The following TMEM132C variants were observed in gnomAD, a reference collection of about 807,000 sequenced individuals.
The protein encoded by TMEM132C is protein phosphatase 1, regulatory subunit 152.
In TMEM132C, 29 loss-of-function variants were observed where a neutral mutation model predicts 61.4. That is an observed-to-expected ratio of 0.47 (90% confidence interval 0.35 to 0.64). TMEM132C has a LOEUF of 0.64. Ranked by LOEUF, TMEM132C falls within the 30% of genes least tolerant of loss-of-function variation. The pLI, the probability that TMEM132C is intolerant of heterozygous loss-of-function variation, is 0.00. For synonymous variants in TMEM132C, 656 were observed against 633.1 expected (o/e 1.04, Z -0.54); for missense variants, 1,408 against 1,476.9 (o/e 0.95, Z 0.76).
chr12:128,344,465 T>G (rs1873086475), intron 1 of TMEM132C, among the ~76,000 whole-genome samples: 1 of 152,138 alleles, frequency 6.6e-6, no homozygotes, highest in Admixed American at 6.5e-5. Context: ...CAGTATATGT[T>G]TTTATGTCTT....
intron 1 of TMEM132C, among the ~76,000 whole-genome samples, chr12:128,411,375 T>C (rs1368719225): frequency 6.6e-6 from 1 of 152,238 alleles, no homozygotes; most frequent in African/African-American, 2.4e-5. Flanking sequence ...TTGGATCATA[T>C]CATAAGGAAA....
intron 4 of TMEM132C, among the ~76,000 whole-genome samples, chr12:128,663,320 G>A (rs778440990): frequency 1.4e-4 from 21 of 152,152 alleles, no homozygotes; most frequent in Admixed American, 7.9e-4. Flanking sequence ...TGGACATTTC[G>A]TATGAGTAGG....
chr12:128,543,746 A>G (rs1873845585), intron 2 of TMEM132C, among the ~76,000 whole-genome samples: 1 of 152,040 alleles, frequency 6.6e-6, no homozygotes, highest in South Asian at 2.1e-4. Context: ...TCAGAACCGG[A>G]CAGCAAGGTC....
chr12:128,491,563 C>G (rs183187613), intron 2 of TMEM132C, among the ~76,000 whole-genome samples: 6 of 152,260 alleles, frequency 3.9e-5, no homozygotes, highest in African/African-American at 9.6e-5. Flanking sequence ...ACACGAGAAA[C>G]TTTTTAAAAC....
chr12:128,584,380 A>G (rs1875462111), intron 3 of TMEM132C, among the ~76,000 whole-genome samples: 2 of 152,174 alleles, frequency 1.3e-5, no homozygotes, highest in South Asian at 4.1e-4. Flanking sequence ...GTCAGCTGGT[A>G]AAGTTAGTCG....
chr12:128,397,090 A>G, intron 1 of TMEM132C, among the ~76,000 whole-genome samples: 1 of 151,986 alleles, frequency 6.6e-6, no homozygotes, highest in South Asian at 2.1e-4. Flanking sequence ...AGCAGCTGTG[A>G]CCCCTGGCAG....
intron 2 of TMEM132C, among the ~76,000 whole-genome samples, chr12:128,440,420 C>G (rs1413683344): frequency 6.6e-6 from 1 of 152,170 alleles, no homozygotes; most frequent in Non-Finnish European, 1.5e-5. Context: ...TTAGGACCCA[C>G]CATGCCCAGA....
intron 5 of TMEM132C, among the ~76,000 whole-genome samples, chr12:128,673,783 T>TA (rs1954557710): frequency 6.6e-6 from 1 of 152,226 alleles, no homozygotes; most frequent in Non-Finnish European, 1.5e-5. Context: ...AAAGTGAGGA[T>TA]AAGCATAGTT....
chr12:128,637,408 G>A (rs1284182519), intron 4 of TMEM132C, among the ~76,000 whole-genome samples: 1 of 152,200 alleles, frequency 6.6e-6, no homozygotes, highest in East Asian at 1.9e-4. Context: ...AGCTTGTAAG[G>A]AGCTGCCATG....
intron 1 of TMEM132C, among the ~76,000 whole-genome samples, chr12:128,296,941 A>G (rs2135914499): frequency 6.6e-6 from 1 of 152,334 alleles, no homozygotes. Flanking sequence ...TTTAGACTAG[A>G]CTTCCCAAAC....
intron 4 of TMEM132C, among the ~76,000 whole-genome samples, chr12:128,622,909 T>C (rs993050977): frequency 6.6e-6 from 1 of 152,170 alleles, no homozygotes; most frequent in Non-Finnish European, 1.5e-5. Flanking sequence ...TAAGGATGGG[T>C]TGGATGCTCT....
chr12:128,564,138 G>A lies in TMEM132C; in HGVS notation c.1121+20035G>A, dbSNP rs188575015. ...CCTCACATGGCAGAGAGAGCATTCC[G>A]GGCTCTTTATCTCCTCATAAGGACG... On this transcript the variant is annotated intron_variant, in intron 3 of 8. Transcript: ENST00000435159. 1.2e-4 allele frequency among the ~76,000 whole-genome samples: 18 copies of A among 152,292 alleles called. No individual in the cohort carries two copies. The East Asian group carries it at 3.1e-3, about 26-fold the overall frequency.
intron 2 of TMEM132C, among the ~76,000 whole-genome samples, chr12:128,442,806 T>A (rs1209454615): frequency 6.6e-6 from 1 of 152,228 alleles, no homozygotes; most frequent in Non-Finnish European, 1.5e-5. Flanking sequence ...GTGCAACTAC[T>A]ATCTCTACTA....
chr12:128,502,221 G>A lies in TMEM132C; in HGVS notation c.975-41736G>A, dbSNP rs191778860. On this transcript the variant is annotated intron_variant, in intron 2 of 8. Transcript: ENST00000435159. Reference sequence around the variant, plus strand: ...AAGTGACAGAGGCTGCCCTGCTCCCGAGAAACTTGCAGCCCCAAGGGAGAG... The same window carrying A: ...AAGTGACAGAGGCTGCCCTGCTCCCAAGAAACTTGCAGCCCCAAGGGAGAG... 1.2e-3 allele frequency among the ~76,000 whole-genome samples: 190 copies of A among 152,302 alleles called. 2 individuals carry two copies. The highest frequency in any genetic ancestry group is 6.8e-3 in the Middle Eastern group (2 of 294).
At chr12:128,403,885 ACTAC>A (rs1388204102) in intron 1 of TMEM132C, among the ~76,000 whole-genome samples, 1 of 152,150 alleles carries the variant, frequency 6.6e-6, no homozygotes, top group East Asian at 1.9e-4. Context: ...TATCTGACAA[ACTAC>A]CTCAGGCTTT....
intron 2 of TMEM132C, 139 bp from the exon 3 acceptor site, chr12:128,543,818 C>T (rs1873848270): frequency 8.8e-7 from 1 of 1,140,506 alleles, no homozygotes; most frequent in Non-Finnish European, 1.2e-6. Flanking sequence ...CACCACTGGG[C>T]AGCTTTGCCT....
intron 3 of TMEM132C, among the ~76,000 whole-genome samples, chr12:128,579,287 C>T (rs540705638): frequency 2.6e-5 from 4 of 152,342 alleles, no homozygotes; most frequent in Middle Eastern, 3.4e-3. Flanking sequence ...TTTGTTCACA[C>T]GTCCAACATA....
rs1459897865 is a variant in TMEM132C at position 128,342,951 on chromosome 12, A to C, written c.86-71781A>C. On this transcript the variant is annotated intron_variant, in intron 1 of 8. Coordinates refer to ENST00000435159, the MANE Select transcript of TMEM132C (RefSeq NM_001136103.3). ...TGGAGGTCCATTCTTTGCAATCTTC[A>C]GGGGTTCTGAACATCCTTTGATCGT... Among the ~76,000 whole-genome samples the C allele has an allele frequency of 2.6e-5, 4 of 152,356 alleles. No individual in the cohort carries two copies. The East Asian group carries it at 7.7e-4, about 29-fold the overall frequency.
rs150681646 is a variant in TMEM132C at position 128,649,106 on chromosome 12, A to T, written c.1306-20311A>T. ...TGGAGAACTCCATCGTGTCCAGGTG[A>T]TTGCCAGCCTGGCTCTCGTGGTGAT... On this transcript the variant is annotated intron_variant, in intron 4 of 8. Transcript: ENST00000435159. Among the ~76,000 whole-genome samples, 694 of 152,342 alleles carry T rather than the reference A, an allele frequency of 4.6e-3. 5 individuals are homozygous for T. The highest frequency in any genetic ancestry group is 0.016 in the African/African-American group (658 of 41,566).
Sources: gnomAD v4.1 joint callset for allele counts (sites outside exome capture counted in the v4.1 genomes callset) on GRCh38, gnomAD v4.1.1 for gene constraint, MANE v1.5 for transcripts, NCBI Gene and HGNC (gene_info 2026-07-23, HGNC 2026-07-21) for gene names.